TAOK3: variants seen among roughly 807,000 people sequenced by gnomAD.
TAOK3 encodes the protein TAO kinase 3.
TAOK3 carries 40 observed loss-of-function variants against 120.4 expected under a neutral mutation model. The observed-to-expected ratio is 0.33, with a 90% CI of 0.26 to 0.43. The LOEUF is 0.43. Among genes scored for constraint, TAOK3 ranks in the 20% least tolerant of loss-of-function variants. TAOK3 has a pLI of 1.00. For missense variants in TAOK3, 821 were observed against 1,112.1 expected (o/e 0.74, Z 3.72); for synonymous variants, 355 against 387.5 (o/e 0.92, Z 0.99).
At chr12:118,218,105 C>A (rs2039029938) in intron 9 of TAOK3, among the ~76,000 whole-genome samples, 1 of 151,522 alleles carries the variant, frequency 6.6e-6, no homozygotes, top group Non-Finnish European at 1.5e-5. Flanking sequence ...TGTGATCCGT[C>A]CGCCTTGGCC....
intron 3 of TAOK3, chr12:118,246,060 G>A (rs1245249334): frequency 2.2e-6 from 2 of 900,714 alleles, no homozygotes; most frequent in East Asian, 2.7e-5. Context: ...TAAAAGAATT[G>A]CTTCTTTTCC....
chr12:118,332,347 CT>C (rs2044187792), intron 1 of TAOK3, among the ~76,000 whole-genome samples: 1 of 151,910 alleles, frequency 6.6e-6, no homozygotes, highest in Non-Finnish European at 1.5e-5. Context: ...ATAAAGCTAT[CT>C]TTTCTCAGAT....
At position 118,247,441 on chromosome 12, in the gene TAOK3, T is replaced by C. The variant is rs186931633; in HGVS notation, c.121-2476A>G. ...ATATGAAAACCATTAATAATTCAAG[T>C]AATAGTCTTTTCCTCTCAACTTACT... On this transcript the variant is annotated intron_variant, in intron 3 of 20. Transcript: ENST00000392533. Among the ~76,000 whole-genome samples, 448 of 152,128 alleles carry C rather than the reference T, an allele frequency of 2.9e-3. 1 individual carries two copies. The highest frequency in any genetic ancestry group is 9.9e-3 in the African/African-American group (413 of 41,534).
intron 7 of TAOK3, chr12:118,236,176 G>C (rs1349553923): frequency 6.5e-6 from 1 of 153,636 alleles, no homozygotes; most frequent in African/African-American, 2.4e-5. Context: ...TTTCTTTCTT[G>C]CCTGTGACCC....
At chr12:118,182,189 AC>A (rs1358078632) in intron 14 of TAOK3, among the ~76,000 whole-genome samples, 1 of 151,730 alleles carries the variant, frequency 6.6e-6, no homozygotes, top group African/African-American at 2.4e-5. Flanking sequence ...TCAAAAAAAA[AC>A]AACAACAACA....
At chr12:118,244,785 C>T in intron 4 of TAOK3, 109 bp downstream of exon 4, 5 of 731,854 alleles carry the variant, frequency 6.8e-6, no homozygotes, top group Non-Finnish European at 1.2e-5. Context: ...ACCTCGGCCT[C>T]GCAAAGTGCT....
intron 1 of TAOK3, among the ~76,000 whole-genome samples, chr12:118,315,001 G>A (rs1283761816): frequency 6.6e-6 from 1 of 151,812 alleles, no homozygotes; most frequent in African/African-American, 2.4e-5. Context: ...CAAGATCTAA[G>A]CTGGCTGCAA....
At chr12:118,346,322 T>C (rs2044857956) in intron 1 of TAOK3, among the ~76,000 whole-genome samples, 1 of 152,196 alleles carries the variant, frequency 6.6e-6, no homozygotes, top group Non-Finnish European at 1.5e-5. Context: ...TCAGGACTGA[T>C]AAAGAACTGA....
chr12:118,175,286 T>C (rs554342741), intron 16 of TAOK3, among the ~76,000 whole-genome samples: 29 of 152,202 alleles, frequency 1.9e-4, no homozygotes, highest in Admixed American at 1.4e-3. Flanking sequence ...TAAAAAAGAA[T>C]TGGAGGAGAA....
intron 1 of TAOK3, among the ~76,000 whole-genome samples, chr12:118,269,931 G>A (rs551505908): frequency 3.5e-4 from 54 of 152,154 alleles, no homozygotes; most frequent in African/African-American, 1.2e-3. Flanking sequence ...CTTCATAAAT[G>A]TCTCTTGGAT....
chr12:118,164,351 A>G (rs190690334), intron 17 of TAOK3, among the ~76,000 whole-genome samples: 143 of 151,678 alleles, frequency 9.4e-4, no homozygotes, highest in Middle Eastern at 3.4e-3. Context: ...AACAACAACG[A>G]AACAAACAAA....
At chr12:118,176,701 T>A (rs542104874) in intron 16 of TAOK3, among the ~76,000 whole-genome samples, 2 of 151,732 alleles carry the variant, frequency 1.3e-5, no homozygotes, top group South Asian at 2.1e-4. Context: ...AAAAAATAAA[T>A]AAATAAATAA....
intron 1 of TAOK3, among the ~76,000 whole-genome samples, chr12:118,327,343 G>C (rs1246538895): frequency 2.0e-5 from 3 of 152,118 alleles, no homozygotes; most frequent in African/African-American, 7.2e-5. Context: ...AAAATGTTAA[G>C]AACTAGAATT....
intron 2 of TAOK3, among the ~76,000 whole-genome samples, chr12:118,262,013 A>G (rs1309278628): frequency 6.6e-6 from 1 of 152,076 alleles, no homozygotes; most frequent in African/African-American, 2.4e-5. Flanking sequence ...GGCATGCACC[A>G]CTATGTCTGA....
At chr12:118,335,264 A>G (rs916560986) in intron 1 of TAOK3, among the ~76,000 whole-genome samples, 1 of 152,154 alleles carries the variant, frequency 6.6e-6, no homozygotes, top group Non-Finnish European at 1.5e-5. Flanking sequence ...AAAAGAAGAG[A>G]TAAATCACTA....
chr12:118,266,899 G>C (rs16948224), intron 1 of TAOK3, 140 bp from the exon 2 acceptor site: 3,743 of 358,878 alleles, frequency 0.01, 134 homozygotes, highest in African/African-American at 0.071. Context: ...GGATGGCAAA[G>C]TTAAAAGGTA....
chr12:118,215,223 C>T (rs556360938), intron 9 of TAOK3, among the ~76,000 whole-genome samples: 5 of 132,756 alleles, frequency 3.8e-5, no homozygotes, highest in South Asian at 5.5e-4. Flanking sequence ...TGGCCGGGCG[C>T]GGTGGCTCAC....
chr12:118,265,292 G>A (rs772959127), intron 2 of TAOK3, among the ~76,000 whole-genome samples: 2 of 151,414 alleles, frequency 1.3e-5, no homozygotes, highest in Non-Finnish European at 2.9e-5. Context: ...AGGACGCTGA[G>A]GCAGGAGAAC....
chr12:118,212,896 A>T lies in TAOK3; in HGVS notation c.819+18T>A. The T allele has an allele frequency of 6.4e-7, 1 of 1,552,352 alleles. No homozygotes were observed. The highest frequency in any genetic ancestry group is 8.8e-7 in the Non-Finnish European group (1 of 1,131,910). Reference sequence around the variant, plus strand: ...TGACTTTAAATCCCCCTCCTCAAATATAAATTTGAAAAATTACCCTTAATA... The same window carrying T: ...TGACTTTAAATCCCCCTCCTCAAATTTAAATTTGAAAAATTACCCTTAATA... On this transcript the variant is annotated intron_variant, in intron 11 of 20. Transcript: ENST00000392533.
Sources: gnomAD v4.1 joint callset for allele counts (sites outside exome capture counted in the v4.1 genomes callset) on GRCh38, gnomAD v4.1.1 for gene constraint, MANE v1.5 for transcripts, NCBI Gene and HGNC (gene_info 2026-07-23, HGNC 2026-07-21) for gene names.